PCNX2: variants seen among roughly 807,000 people sequenced by gnomAD.
PCNX2 encodes the protein pecanex-like protein 2.
In PCNX2, 168 loss-of-function variants were observed where a neutral mutation model predicts 223.8. The observed-to-expected ratio is 0.75, with a 90% CI of 0.66 to 0.85. The LOEUF is 0.85. Ranked by LOEUF, PCNX2 falls within the 40% of genes least tolerant of loss-of-function variation. The pLI, the probability that PCNX2 is intolerant of heterozygous loss-of-function variation, is 0.00. For missense variants in PCNX2, 2,507 were observed against 2,675.5 expected (o/e 0.94, Z 1.39); for synonymous variants, 1,006 against 1,052.6 (o/e 0.96, Z 0.86).
chr1:233,227,471 TGTACACC>T, intron 9 of PCNX2, 100 bp from the exon 10 acceptor site: 1 of 1,022,310 alleles, frequency 9.8e-7, no homozygotes, highest in Non-Finnish European at 1.3e-6. Context: ...CACATATATA[TGTACACC>T]ATAATTTAAA....
chr1:233,123,910 C>T (rs1675950330), intron 21 of PCNX2, among the ~76,000 whole-genome samples: 1 of 152,144 alleles, frequency 6.6e-6, no homozygotes. Context: ...AAGAGAAGTC[C>T]TTGCCCTCCA....
At chr1:233,248,308 G>A (rs1659248800) in intron 8 of PCNX2, among the ~76,000 whole-genome samples, 1 of 152,024 alleles carries the variant, frequency 6.6e-6, no homozygotes, top group Non-Finnish European at 1.5e-5. Flanking sequence ...ATCCAGCTGT[G>A]TGTGTGTACG....
intron 1 of PCNX2, among the ~76,000 whole-genome samples, chr1:233,290,297 G>T (rs75134145): frequency 0.17 from 26,348 of 152,152 alleles, 2,356 homozygotes; most frequent in South Asian, 0.28. Context: ...GGTGAAATAT[G>T]TAGGAAGAAA....
chr1:233,312,089 C>T, the PCNX2 span, among the ~76,000 whole-genome samples: 1 of 152,054 alleles, frequency 6.6e-6, no homozygotes, highest in Non-Finnish European at 1.5e-5. Context: ...GACCTCACCA[C>T]TGCACTCCAG....
At position 233,218,161 on chromosome 1, in the gene PCNX2, A is replaced by G. The variant is rs765072327; in HGVS notation, c.2528T>C (p.Val843Ala). 5 of 1,527,440 alleles carry G rather than the reference A, an allele frequency of 3.3e-6. No individual in the cohort carries two copies. The South Asian group carries it at 6.0e-5, about 18-fold the overall frequency. 94.6% of individuals were successfully genotyped at this position (1,527,440 alleles called of 1,614,324 possible). Residue 843 changes from valine (V) to alanine (A), a missense_variant, in exon 11 of 34, where the codon GTA becomes GCA. Coordinates refer to ENST00000258229, the MANE Select transcript of PCNX2 (RefSeq NM_014801.4). ...LDRTEDIKENVLAILLIVLVS... is the reference protein window; with the variant it reads ...LDRTEDIKENALAILLIVLVS... ...CAGGACAATGAGTAAAATCGCCAGTACATTCTCCTTGATGTCTTCAGTTCT... is the reference window on the plus strand; with the variant it reads ...CAGGACAATGAGTAAAATCGCCAGTGCATTCTCCTTGATGTCTTCAGTTCT...
chr1:233,012,716 G>A (rs943360646), intron 28 of PCNX2, among the ~76,000 whole-genome samples: 6 of 152,126 alleles, frequency 3.9e-5, no homozygotes, highest in Admixed American at 6.5e-5. Context: ...AACAAGAAAC[G>A]CCTGGATCAG....
Position 232,991,702 on chromosome 1 carries a change from T to C in PCNX2, c.5792-5162A>G, listed in dbSNP as rs1012297988. 6.6e-6 allele frequency among the ~76,000 whole-genome samples: 1 copy of C among 152,056 alleles called. No individual in the cohort carries two copies. The highest frequency in any genetic ancestry group is 2.4e-5 in the African/African-American group (1 of 41,398). On this transcript the variant is annotated intron_variant, in intron 32 of 33. Transcript: ENST00000258229. This position sits in a 1 kb window ranked among gnomAD's most constrained non-coding sequence, Gnocchi z 4.3. The stretch of plus-strand genomic sequence containing the variant: ...ATGTGAAGACCAAGCCAGAGCTCAG[T>C]GGTGCTTCTCGAGGCCGGGGGATGC...
chr1:233,128,752 T>C (rs1387390470), intron 21 of PCNX2, among the ~76,000 whole-genome samples: 18 of 152,220 alleles, frequency 1.2e-4, no homozygotes, highest in Non-Finnish European at 2.5e-4. Context: ...TCTGCATGTT[T>C]TACTGTACCC....
chr1:233,157,076 A>G (rs1305821136), intron 19 of PCNX2, among the ~76,000 whole-genome samples: 1 of 152,196 alleles, frequency 6.6e-6, no homozygotes, highest in Non-Finnish European at 1.5e-5. Context: ...TCGATTGTGG[A>G]AAGTCTCTAT....
chr1:232,999,442 T>A (rs1392835802), intron 30 of PCNX2, 63 bp from the exon 31 acceptor site: 1 of 1,447,712 alleles, frequency 6.9e-7, no homozygotes, highest in Admixed American at 2.9e-5. Context: ...TCTATTGGTT[T>A]TTTCTTTTTC....
chr1:233,181,358 C>T (rs1371355540), intron 15 of PCNX2, among the ~76,000 whole-genome samples: 1 of 152,088 alleles, frequency 6.6e-6, no homozygotes, highest in African/African-American at 2.4e-5. Flanking sequence ...CACCACCACA[C>T]CCAGCTAATT....
chr1:233,151,380 C>T (rs1172399166), intron 19 of PCNX2, among the ~76,000 whole-genome samples: 3 of 152,200 alleles, frequency 2.0e-5, no homozygotes, highest in East Asian at 1.9e-4. Context: ...CTTCAAAATG[C>T]TCTCTTTAGC....
intron 12 of PCNX2, among the ~76,000 whole-genome samples, chr1:233,215,090 C>T (rs948114488): frequency 6.6e-5 from 10 of 152,214 alleles, no homozygotes; most frequent in Middle Eastern, 3.4e-3. Context: ...CTTTCACAGC[C>T]CCTTATGAAT....
intron 15 of PCNX2, among the ~76,000 whole-genome samples, chr1:233,193,998 G>A (rs1213779184): frequency 6.6e-6 from 1 of 151,496 alleles, no homozygotes; most frequent in Non-Finnish European, 1.5e-5. Flanking sequence ...AGACATATTT[G>A]AAATGAGAAT....
intron 21 of PCNX2, among the ~76,000 whole-genome samples, chr1:233,113,409 G>A (rs1412411284): frequency 2.6e-5 from 4 of 152,078 alleles, no homozygotes; most frequent in South Asian, 4.1e-4. Context: ...GCTTCTCCCC[G>A]TACTCCCTTC....
chr1:233,107,113 C>G (rs537079126), intron 21 of PCNX2, among the ~76,000 whole-genome samples: 7 of 152,106 alleles, frequency 4.6e-5, no homozygotes, highest in Non-Finnish European at 8.8e-5. Flanking sequence ...GACCTAACTT[C>G]CAGTACCAAT....
At chr1:233,041,496 TAA>T (rs1259453786) in intron 25 of PCNX2, among the ~76,000 whole-genome samples, 1 of 152,184 alleles carries the variant, frequency 6.6e-6, no homozygotes, top group Admixed American at 6.5e-5. Flanking sequence ...CGGCCATTTA[TAA>T]AAGTCACCCA....
At chr1:233,196,235 T>C (rs1465266847) in intron 15 of PCNX2, among the ~76,000 whole-genome samples, 2 of 152,096 alleles carry the variant, frequency 1.3e-5, no homozygotes, top group Non-Finnish European at 2.9e-5. Context: ...TAAATATAAG[T>C]ATATTCAAAT....
intron 1 of PCNX2, among the ~76,000 whole-genome samples, chr1:233,288,105 T>C (rs1381112379): frequency 6.6e-6 from 1 of 152,132 alleles, no homozygotes; most frequent in Non-Finnish European, 1.5e-5. Flanking sequence ...AGGAAGGAGA[T>C]TTAGAGAAGA....
Sources: allele counts gnomAD v4.1 joint callset (sites outside exome capture counted in the v4.1 genomes callset), GRCh38; gene constraint gnomAD v4.1.1; non-coding constraint Gnocchi (gnomAD v3.1); transcripts MANE v1.5; gene names NCBI Gene and HGNC (gene_info 2026-07-23, HGNC 2026-07-21).